EDAR: variants seen among roughly 807,000 people sequenced by gnomAD.
The protein encoded by EDAR is tumor necrosis factor receptor superfamily member EDAR.
In EDAR, 38 loss-of-function variants were observed where a neutral mutation model predicts 51.3. That is an observed-to-expected ratio of 0.74 (90% CI 0.57 to 0.97). The LOEUF is 0.97. Ranked by LOEUF, EDAR falls within the 50% of genes least tolerant of loss-of-function variation. EDAR has a pLI of 0.00. For missense variants in EDAR, 528 were observed against 595.0 expected (o/e 0.89, Z 1.17); for synonymous variants, 227 against 242.1 (o/e 0.94, Z 0.58).
At chr2:108,927,619 C>T (rs1354112682) in intron 4 of EDAR, among the ~76,000 whole-genome samples, 2 of 152,152 alleles carry the variant, frequency 1.3e-5, no homozygotes, top group East Asian at 3.9e-4. Context: ...CCTCTCCCTG[C>T]AGTAGGAATT....
intron 1 of EDAR, among the ~76,000 whole-genome samples, chr2:108,983,658 G>A (rs1005899545): frequency 6.6e-6 from 1 of 152,052 alleles, no homozygotes; most frequent in Non-Finnish European, 1.5e-5. Flanking sequence ...CCTCCTAATC[G>A]ACCTGCATCT....
At chr2:108,897,278 G>A in intron 11 of EDAR, 49 bp from the exon 12 acceptor site, 2 of 1,521,796 alleles carry the variant, frequency 1.3e-6, no homozygotes, top group Non-Finnish European at 1.8e-6. Flanking sequence ...ACAGTCAATA[G>A]AAGGTCAACA....
intron 1 of EDAR, among the ~76,000 whole-genome samples, chr2:108,979,500 CGCAT>C (rs1698387037): frequency 6.7e-6 from 1 of 149,332 alleles, no homozygotes; most frequent in Non-Finnish European, 1.5e-5. Context: ...CACACACACA[CGCAT>C]GGCACACCCC....
At chr2:108,929,085 C>T in intron 4 of EDAR, 113 bp downstream of exon 4, 1 of 1,256,418 alleles carries the variant, frequency 8.0e-7, no homozygotes, top group Non-Finnish European at 1.1e-6. Flanking sequence ...AGGTGTGCGG[C>T]TGCACCGAGG....
At chr2:108,933,418 C>T (rs1697407212) in intron 1 of EDAR, among the ~76,000 whole-genome samples, 1 of 152,090 alleles carries the variant, frequency 6.6e-6, no homozygotes, top group African/African-American at 2.4e-5. Flanking sequence ...AGAAGGGGGT[C>T]CCAGGGGAGA....
At chr2:108,934,330 G>T (rs905313195) in intron 1 of EDAR, among the ~76,000 whole-genome samples, 6 of 152,140 alleles carry the variant, frequency 3.9e-5, no homozygotes, top group Admixed American at 6.5e-5. Flanking sequence ...CTGGGCGCTG[G>T]GGGGCTGACG....
chr2:108,928,884 A>G (rs1388002554), intron 4 of EDAR, among the ~76,000 whole-genome samples: 1 of 152,226 alleles, frequency 6.6e-6, no homozygotes, highest in African/African-American at 2.4e-5. Flanking sequence ...TCTTTTTCCC[A>G]AAGTGTTTCA....
intron 2 of EDAR, 92 bp downstream of exon 2, chr2:108,930,872 G>C (rs1697353971): frequency 7.2e-7 from 1 of 1,384,458 alleles, no homozygotes; most frequent in Non-Finnish European, 1.0e-6. Context: ...ACTATGATCA[G>C]CATTCCCATT....
chr2:108,965,157 C>A (rs1698123667), intron 1 of EDAR, among the ~76,000 whole-genome samples: 1 of 151,970 alleles, frequency 6.6e-6, no homozygotes, highest in Non-Finnish European at 1.5e-5. Flanking sequence ...TTTTGAGTGT[C>A]CAAAGTGTCA....
At chr2:108,955,445 A>G (rs1284639160) in intron 1 of EDAR, among the ~76,000 whole-genome samples, 4 of 152,210 alleles carry the variant, frequency 2.6e-5, no homozygotes, top group Non-Finnish European at 5.9e-5. Flanking sequence ...AGAGACATAT[A>G]TATCTTCTAA....
At position 108,912,777 on chromosome 2, in the gene EDAR, T is replaced by C; in HGVS notation, c.443-13A>G. ...GTGGCTCCCACACCTGCAAGGAAAA[T>C]AGAGTCCCTCAAATGATCCAGAGAA... On this transcript the variant is annotated splice_polypyrimidine_tract_variant and intron_variant, in intron 5 of 11. Transcript: ENST00000258443. 2 of 1,577,136 alleles carry C rather than the reference T, an allele frequency of 1.3e-6. No homozygotes were observed.
rs139397234 is a variant in EDAR at position 108,959,569 on chromosome 2, A to AGCAGTCATG, written c.-18-28546_-18-28538dup. Among the ~76,000 whole-genome samples, 1,407 of 152,292 alleles carry AGCAGTCATG rather than the reference A, an allele frequency of 9.2e-3. 25 individuals are homozygous for AGCAGTCATG. The highest frequency in any genetic ancestry group is 0.031 in the African/African-American group (1,303 of 41,552). Reference sequence around the variant, plus strand: ...GGTTTCCAAGGGACCTGGTTCTCACAGCAGTCATGGGGCTGAGGGGAGCTG... The same window carrying AGCAGTCATG: ...GGTTTCCAAGGGACCTGGTTCTCACAGCAGTCATGGCAGTCATGGGGCTGAGGGGAGCTG... On this transcript the variant is annotated intron_variant, in intron 1 of 11. Transcript: ENST00000258443.
At chr2:108,954,618 T>C (rs944315206) in intron 1 of EDAR, among the ~76,000 whole-genome samples, 1 of 152,160 alleles carries the variant, frequency 6.6e-6, no homozygotes, top group African/African-American at 2.4e-5. Context: ...CTCTGTCTGC[T>C]TTCCTCTGTC....
In EDAR at chr2:108,897,149, C is replaced by G. The variant is rs149287854; in HGVS notation, c.1105G>C (p.Ala369Pro). 2.9e-5 allele frequency: 46 copies of G among 1,613,828 alleles called. No homozygotes were observed. The African/African-American group carries it at 4.8e-4, about 17-fold the overall frequency. Residue 369 changes from alanine to proline, a missense_variant, in exon 12 of 12, where the codon GCT becomes CCT. By Grantham distance (27) the Ala-to-Pro change is conservative. Transcript: ENST00000258443. ...AGGTGGCGCCACGTTTTCACAACAG[C>G]CTTCTCAGAGTTGTACGTGGAGCTG... ...MLSSTYNSEK[A>P]VVKTWRHLAE...
At chr2:108,919,387 T>G (rs1697090061) in intron 5 of EDAR, among the ~76,000 whole-genome samples, 1 of 152,176 alleles carries the variant, frequency 6.6e-6, no homozygotes, top group Non-Finnish European at 1.5e-5. Context: ...AGGCGGAGTT[T>G]CGCTCTTGTT....
At chr2:108,935,072 A>T (rs1236649882) in intron 1 of EDAR, among the ~76,000 whole-genome samples, 1 of 152,222 alleles carries the variant, frequency 6.6e-6, no homozygotes, top group Non-Finnish European at 1.5e-5. Context: ...TCATGATATA[A>T]GAGACCGCAT....
intron 4 of EDAR, 152 bp downstream of exon 4, chr2:108,929,046 G>A: frequency 1.1e-6 from 1 of 892,406 alleles, no homozygotes; most frequent in Non-Finnish European, 1.8e-6. Flanking sequence ...CGTCCTGGAT[G>A]CTGCTCCTTG....
intron 1 of EDAR, among the ~76,000 whole-genome samples, chr2:108,937,789 C>G (rs1697506820): frequency 6.6e-6 from 1 of 152,006 alleles, no homozygotes; most frequent in South Asian, 2.1e-4. Context: ...GTGTATGTGG[C>G]AAACCCAGAC....
intron 5 of EDAR, among the ~76,000 whole-genome samples, chr2:108,919,285 G>C (rs1031592690): frequency 7.2e-5 from 11 of 152,192 alleles, no homozygotes; most frequent in Admixed American, 4.6e-4. Flanking sequence ...TTGCCTGAGG[G>C]GACTTCGTCA....
Sources: gnomAD v4.1 joint callset for allele counts (sites outside exome capture counted in the v4.1 genomes callset) on GRCh38, gnomAD v4.1.1 for gene constraint, MANE v1.5 for transcripts, NCBI Gene and HGNC (gene_info 2026-07-23, HGNC 2026-07-21) for gene names.